Variants in PPP4R2 observed in about 807,000 individuals in gnomAD.
PPP4R2 encodes the protein serine/threonine-protein phosphatase 4 regulatory subunit 2.
In PPP4R2, 13 loss-of-function variants were observed where a neutral mutation model predicts 47.2. That is an observed-to-expected ratio of 0.28 (90% confidence interval 0.18 to 0.44). PPP4R2 has a LOEUF of 0.44. Among genes scored for constraint, PPP4R2 ranks in the 20% least tolerant of loss-of-function variants. The pLI is 1.00. For missense variants in PPP4R2, 421 were observed against 491.2 expected (o/e 0.86, Z 1.35); for synonymous variants, 151 against 163.3 (o/e 0.92, Z 0.57).
In PPP4R2 at chr3:73,003,707, GTTTT is replaced by G. The variant is rs201167262; in HGVS notation, c.116+5555_116+5558del. 5.6e-4 allele frequency among the ~76,000 whole-genome samples: 67 copies of G among 119,874 alleles called. 1 individual carries two copies. The highest frequency in any genetic ancestry group is 2.1e-3 in the African/African-American group (64 of 30,518). The allele number at this position is 119,874 out of a possible 152,430, so 78.6% of individuals were successfully genotyped here. ...TATTTCTGGAGTTTTTTTTTGTTTT[GTTTT>G]TTTTTGAGACAGAGTCTTGCTCTGT... On this transcript the variant is annotated intron_variant, in intron 2 of 8. Coordinates refer to ENST00000356692, the MANE Select transcript of PPP4R2 (RefSeq NM_174907.4).
intron 2 of PPP4R2, among the ~76,000 whole-genome samples, chr3:73,040,300 T>C (rs1234432732): frequency 6.6e-6 from 1 of 152,174 alleles, no homozygotes; most frequent in African/African-American, 2.4e-5. Flanking sequence ...CACTACAAAG[T>C]ATGGTACATG....
chr3:73,016,871 T>C (rs1441635811), intron 2 of PPP4R2, among the ~76,000 whole-genome samples: 1 of 146,282 alleles, frequency 6.8e-6, no homozygotes, highest in Non-Finnish European at 1.5e-5. Flanking sequence ...CAGGCTGGAG[T>C]TCAGTGGCTC....
intron 2 of PPP4R2, among the ~76,000 whole-genome samples, chr3:73,017,201 C>T (rs1011945843): frequency 1.3e-5 from 2 of 152,100 alleles, no homozygotes; most frequent in African/African-American, 4.8e-5. Flanking sequence ...TTACAGACAT[C>T]AGCCACTGTG....
chr3:73,001,751 G>T (rs1701466251), intron 2 of PPP4R2, among the ~76,000 whole-genome samples: 1 of 151,856 alleles, frequency 6.6e-6, no homozygotes, highest in Non-Finnish European at 1.5e-5. Flanking sequence ...CGATTCTCCT[G>T]CCTCAGCCTC....
intron 2 of PPP4R2, among the ~76,000 whole-genome samples, chr3:73,032,088 T>G (rs1489133492): frequency 6.6e-6 from 1 of 152,196 alleles, no homozygotes; most frequent in South Asian, 2.1e-4. Flanking sequence ...TGACTCTTTT[T>G]AAATTGATTT....
chr3:73,023,886 C>G (rs1317256771), intron 2 of PPP4R2, among the ~76,000 whole-genome samples: 1 of 152,032 alleles, frequency 6.6e-6, no homozygotes, highest in Non-Finnish European at 1.5e-5. Context: ...ATGCCAGAAG[C>G]CACTTAAAAG....
chr3:73,015,873 C>T (rs1398384874), intron 2 of PPP4R2: 5 of 386,474 alleles, frequency 1.3e-5, no homozygotes, highest in South Asian at 5.3e-5. Context: ...CTCCTGACCT[C>T]GTGATCTACC....
intron 2 of PPP4R2, among the ~76,000 whole-genome samples, chr3:73,016,737 TTATTA>T (rs1414640240): frequency 4.6e-5 from 6 of 129,276 alleles, no homozygotes; most frequent in Non-Finnish European, 8.4e-5. Flanking sequence ...TTGTTTATTT[TTATTA>T]TTTTTTTTTT....
At chr3:73,016,649 G>A (rs1460840214) in intron 2 of PPP4R2, among the ~76,000 whole-genome samples, 1 of 151,598 alleles carries the variant, frequency 6.6e-6, no homozygotes, top group Non-Finnish European at 1.5e-5. Context: ...ATAATTTTGA[G>A]AAATAAATAA....
chr3:73,021,466 G>GGCT (rs1701958320), intron 2 of PPP4R2, among the ~76,000 whole-genome samples: 1 of 151,674 alleles, frequency 6.6e-6, no homozygotes, highest in Non-Finnish European at 1.5e-5. Context: ...CAAATTCCTG[G>GGCT]GCTGAAGCCT....
intron 2 of PPP4R2, among the ~76,000 whole-genome samples, chr3:73,016,313 G>C (rs1303387382): frequency 2.0e-5 from 3 of 151,886 alleles, no homozygotes; most frequent in Non-Finnish European, 4.4e-5. Context: ...TCTAAACCAG[G>C]GCTGACAATG....
Position 73,065,157 on chromosome 3 carries a change from CTG to C in PPP4R2, c.928+18_928+19del, listed in dbSNP as rs1378354582. 6.3e-7 allele frequency: 1 copy of C among 1,582,008 alleles called. No homozygotes were observed. The highest frequency in any genetic ancestry group is 8.6e-7 in the Non-Finnish European group (1 of 1,166,610). On this transcript the variant is annotated intron_variant, in intron 8 of 8. Transcript: ENST00000356692. ...GAAGAAGAAGGTATTTAGAGACCATCTGTAAAAGGGTGGAGTAAGGAGATCCT... is the reference window on the plus strand; with the variant it reads ...GAAGAAGAAGGTATTTAGAGACCATCTAAAAGGGTGGAGTAAGGAGATCCT...
At chr3:73,064,713 T>G (rs908302579) in intron 7 of PPP4R2, 139 bp from the exon 8 acceptor site, 60 of 747,216 alleles carry the variant, frequency 8.0e-5, no homozygotes, top group Non-Finnish European at 1.3e-4. Flanking sequence ...ATTATTCTCT[T>G]GTGTTTTTCT....
chr3:73,010,566 T>C (rs532276832), intron 2 of PPP4R2, among the ~76,000 whole-genome samples: 1 of 34,646 alleles, frequency 2.9e-5, no homozygotes, highest in Non-Finnish European at 6.2e-5. Flanking sequence ...CTCGCTCTCT[T>C]TTTTTTTTTT....
chr3:73,018,442 T>TGTTAC (rs1276137375), intron 2 of PPP4R2, among the ~76,000 whole-genome samples: 14 of 103,718 alleles, frequency 1.3e-4, no homozygotes, highest in African/African-American at 6.0e-4. Flanking sequence ...TGTTATGTTA[T>TGTTAC]GTTATGTTAT....
intron 2 of PPP4R2, among the ~76,000 whole-genome samples, chr3:73,018,617 G>A (rs935594672): frequency 1.3e-5 from 2 of 151,678 alleles, no homozygotes; most frequent in African/African-American, 2.4e-5. Flanking sequence ...TCTTCACCTA[G>A]GTTCTTCTTA....
intron 2 of PPP4R2, among the ~76,000 whole-genome samples, chr3:73,040,901 A>G (rs17010401): frequency 6.6e-6 from 1 of 152,172 alleles, no homozygotes; most frequent in South Asian, 2.1e-4. Context: ...TGTTTGTCCC[A>G]TGCAAATACC....
At chr3:73,058,950 A>T (rs541921314) in intron 3 of PPP4R2, 87 bp from the exon 4 acceptor site, 3 of 769,710 alleles carry the variant, frequency 3.9e-6, no homozygotes, top group Admixed American at 5.7e-5. Context: ...GGGTGACTAG[A>T]TACAGCTTTA....
intron 2 of PPP4R2, among the ~76,000 whole-genome samples, chr3:73,000,991 C>T (rs1161795002): frequency 1.3e-5 from 2 of 152,148 alleles, no homozygotes; most frequent in Non-Finnish European, 2.9e-5. Context: ...CCAGTTGGCT[C>T]CAGAGTCCTT....
Sources: allele counts gnomAD v4.1 joint callset (sites outside exome capture counted in the v4.1 genomes callset), GRCh38; gene constraint gnomAD v4.1.1; transcripts MANE v1.5; gene names NCBI Gene and HGNC (gene_info 2026-07-23, HGNC 2026-07-21).